FAM161A: variants seen among roughly 807,000 people sequenced by gnomAD.
FAM161A encodes protein FAM161A.
A neutral mutation model predicts 70.9 loss-of-function variants in FAM161A; 57 were observed. That is an observed-to-expected ratio of 0.80 (90% CI 0.65 to 1.00). The LOEUF is 1.00. Among genes scored for constraint, FAM161A ranks in the 50% least tolerant of loss-of-function variants. The probability of loss-of-function intolerance (pLI) is 0.00; values close to 1 mark genes in which losing one functional copy is unlikely to be tolerated. For synonymous variants in FAM161A, 299 were observed against 295.7 expected (o/e 1.01, Z -0.12); for missense variants, 880 against 836.0 (o/e 1.05, Z -0.65).
chr2:61,820,717 A>G (rs1301460588), downstream of FAM161A, among the ~76,000 whole-genome samples: 1 of 152,224 alleles, frequency 6.6e-6, no homozygotes, highest in Non-Finnish European at 1.5e-5. Flanking sequence ...ATATTTATAC[A>G]TGAAATATGT....
chr2:61,836,665 G>C (rs1672785193), intron 4 of FAM161A: 1 of 154,538 alleles, frequency 6.5e-6, no homozygotes, highest in Non-Finnish European at 1.4e-5. Context: ...TCTACCTCCT[G>C]GGTTCATGCA....
At chr2:61,813,300 G>A in the FAM161A span, among the ~76,000 whole-genome samples, 6 of 151,694 alleles carry the variant, frequency 4.0e-5, no homozygotes, top group African/African-American at 1.5e-4. Context: ...AGCCAGCTGT[G>A]GCTGGGCTGA....
Position 61,840,300 on chromosome 2 carries a change from G to T in FAM161A, c.704C>A (p.Thr235Lys), listed in dbSNP as rs199759978. The change falls in exon 3 of 7, where the codon ACA becomes AAA. Residue 235 changes from threonine to lysine, a missense_variant. Thr to Lys is a moderately conservative substitution (Grantham distance 78). Transcript: ENST00000404929. The part of the protein sequence containing the change: ...RRKKRKEWVP[T>K]ITVPEPFQMM... Reference sequence around the variant, plus strand: ...TTGAAAAGGCTCCGGTACTGTAATTGTGGGCACCCATTCTTTTCGTTTCTT... The same window carrying T: ...TTGAAAAGGCTCCGGTACTGTAATTTTGGGCACCCATTCTTTTCGTTTCTT... The T allele has an allele frequency of 1.3e-4, 211 of 1,613,890 alleles. No homozygotes were observed. Among genetic ancestry groups the T allele is most frequent in the Non-Finnish European group, 1.8e-4 (208 of 1,180,014 alleles).
At position 61,839,704 on chromosome 2, in the gene FAM161A, G is replaced by A; in HGVS notation, c.1300C>T (p.Leu434Phe). Residue 434 changes from leucine to phenylalanine, a missense_variant, in exon 3 of 7, where the codon CTT becomes TTT. Leu to Phe is a conservative substitution (Grantham distance 22). Transcript: ENST00000404929. ...AGGTGTTTCTGGTATCTCTCAGGAA[G>A]GTCCTCAAAATCAGGAGTTGGGCAC... ...VRCPTPDFED[L>F]PERYQKHLSE... The A allele has an allele frequency of 6.2e-7, 1 of 1,614,162 alleles. No homozygotes were observed. Among genetic ancestry groups the A allele is most frequent in the Non-Finnish European group, 8.5e-7 (1 of 1,180,028 alleles).
chr2:61,849,986 A>G (rs1010326126), intron 1 of FAM161A, among the ~76,000 whole-genome samples: 18 of 128,886 alleles, frequency 1.4e-4, no homozygotes, highest in African/African-American at 5.2e-4. Flanking sequence ...GGAGGGAGGG[A>G]GGGAGGGCGG....
At chr2:61,812,113 G>T in the FAM161A span, among the ~76,000 whole-genome samples, 1 of 151,972 alleles carries the variant, frequency 6.6e-6, no homozygotes, top group Non-Finnish European at 1.5e-5. Context: ...CCGCTTATTA[G>T]AGAGGCCTTC....
the FAM161A span, among the ~76,000 whole-genome samples, chr2:61,817,979 C>A: frequency 6.6e-6 from 1 of 151,850 alleles, no homozygotes; most frequent in South Asian, 2.1e-4. Context: ...AAAACCAAAA[C>A]CAAACCAAAA....
At position 61,838,672 on chromosome 2, in the gene FAM161A, T is replaced by G; in HGVS notation, c.1617A>C (p.Glu539Asp). Residue 539 changes from glutamate (E) to aspartate (D), a missense_variant, in exon 4 of 7, where the codon GAA becomes GAC. Physicochemically the swap from Glu to Asp is conservative, Grantham distance 45 (BLOSUM62 2). Transcript: ENST00000404929. ...RSLEEKKMLE[E>D]ERNRILTKQK... The stretch of plus-strand genomic sequence containing the variant: ...GTTTAGTTAGGATCCGATTTCTCTC[T>G]TCTTCCAACATTTTCTTTTCCTCAA... 5.0e-6 allele frequency: 8 copies of G among 1,609,018 alleles called. No homozygotes were observed. The highest frequency in any genetic ancestry group is 6.8e-6 in the Non-Finnish European group (8 of 1,178,266).
At chr2:61,826,988 TA>T in intron 6 of FAM161A, 115 bp downstream of exon 6, 1 of 976,852 alleles carries the variant, frequency 1.0e-6, no homozygotes, top group South Asian at 1.5e-5. Context: ...TACTATTGGG[TA>T]AAAGATCTTT....
intron 5 of FAM161A, among the ~76,000 whole-genome samples, chr2:61,830,827 C>A (rs1224604299): frequency 6.6e-6 from 1 of 151,628 alleles, no homozygotes; most frequent in African/African-American, 2.4e-5. Context: ...AAAGATATTT[C>A]TGGCTGGATG....
At chr2:61,832,242 C>CAAAAAAAAA (rs752145480) in intron 5 of FAM161A, among the ~76,000 whole-genome samples, 1 of 137,310 alleles carries the variant, frequency 7.3e-6, no homozygotes. Flanking sequence ...GACCCTGTCA[C>CAAAAAAAAA]ACACACACAA....
chr2:61,840,674 A>T, intron 2 of FAM161A, 93 bp from the exon 3 acceptor site: 9 of 988,050 alleles, frequency 9.1e-6, no homozygotes, highest in Non-Finnish European at 1.4e-5. Flanking sequence ...TTTCTGAGAC[A>T]GAGTCTCACT....
rs779977073 is a variant in FAM161A, at chr2:61,840,332, T to C, written c.672A>G (p.Lys224=). ...CCCATTCTTTTCGTTTCTTCCTTCT[T>C]TTTTCAGCTGCATGGAAGCCAGTAT... The part of the protein sequence containing the change: ...CKDTGFHAAE[K]RRKKRKEWVP... Residue 224 remains lysine (K), a synonymous_variant, in exon 3 of 7, where the codon AAA becomes AAG. Transcript: ENST00000404929. The C allele has an allele frequency of 5.0e-6, 8 of 1,614,146 alleles. No homozygotes were observed. Among genetic ancestry groups the C allele is most frequent in the Non-Finnish European group, 6.8e-6 (8 of 1,180,036 alleles).
the FAM161A span, among the ~76,000 whole-genome samples, chr2:61,808,312 G>A: frequency 3.3e-5 from 5 of 149,920 alleles, no homozygotes; most frequent in South Asian, 2.1e-4. Flanking sequence ...TTGCTCTGTC[G>A]CCCAGTCTGG....
rs545342886 is a variant in FAM161A, at chr2:61,853,046, G to T, written c.183+813C>A. 6.0e-5 allele frequency among the ~76,000 whole-genome samples: 9 copies of T among 151,004 alleles called. No individual in the cohort carries two copies. In the South Asian group the frequency reaches 1.9e-3, roughly 32 times the overall value. On this transcript the variant is annotated intron_variant, in intron 1 of 6. Transcript: ENST00000404929. Reference sequence around the variant, plus strand: ...CCTGCCTCAGCCTTCCGAGTAACTAGGATTACAGGGGCGCACCACCACGCC... The same window carrying T: ...CCTGCCTCAGCCTTCCGAGTAACTATGATTACAGGGGCGCACCACCACGCC...
Position 61,824,902 on chromosome 2 carries a change from T to C in FAM161A, c.*1553A>G. On this transcript the variant is annotated 3_prime_UTR_variant, in exon 7 of 7. Transcript: ENST00000404929. ...TAAGTACCTACCATATGTACAATAC[T>C]GTTCCAAATATTAAGGGAATACAAA... The C allele has an allele frequency of 6.7e-6, 3 of 449,710 alleles. No individual in the cohort carries two copies. The highest frequency in any genetic ancestry group is 4.8e-5 in the South Asian group (3 of 62,964). 27.9% of individuals were successfully genotyped at this position (449,710 alleles called of 1,614,324 possible).
chr2:61,847,258 AC>A (rs1673255838), intron 1 of FAM161A, among the ~76,000 whole-genome samples: 1 of 152,012 alleles, frequency 6.6e-6, no homozygotes, highest in African/African-American at 2.4e-5. Flanking sequence ...TATCCACATG[AC>A]CCACTTGCTC....
At chr2:61,844,657 C>T (rs923281668) in intron 1 of FAM161A, among the ~76,000 whole-genome samples, 4 of 152,174 alleles carry the variant, frequency 2.6e-5, no homozygotes, top group African/African-American at 9.7e-5. Flanking sequence ...CAAGATCGTA[C>T]CACAGCACTC....
intron 5 of FAM161A, chr2:61,835,501 C>G (rs948813460): frequency 6.6e-6 from 1 of 152,404 alleles, no homozygotes; most frequent in East Asian, 1.9e-4. Context: ...AACTCTGATT[C>G]AATTAGCCAT....
Sources: allele counts gnomAD v4.1 joint callset (sites outside exome capture counted in the v4.1 genomes callset), GRCh38; gene constraint gnomAD v4.1.1; transcripts MANE v1.5; gene names NCBI Gene and HGNC (gene_info 2026-07-23, HGNC 2026-07-21).